The following IPO11 variants were observed in gnomAD, a reference collection of about 807,000 sequenced individuals.
IPO11 encodes importin-11.
IPO11 carries 66 observed loss-of-function variants against 143.2 expected under a neutral mutation model. The ratio of observed to expected loss-of-function variants is 0.46; its 90% CI spans 0.38 to 0.57. The LOEUF is 0.57. IPO11 is among the 20% of genes least tolerant of loss of function. IPO11 has a pLI of 0.00. For synonymous variants in IPO11, 385 were observed against 377.8 expected (o/e 1.02, Z -0.22); for missense variants, 1,026 against 1,141.0 (o/e 0.90, Z 1.45).
intron 7 of IPO11, among the ~76,000 whole-genome samples, chr5:62,473,506 A>G (rs562433571): frequency 6.6e-6 from 1 of 152,172 alleles, no homozygotes; most frequent in Non-Finnish European, 1.5e-5. Flanking sequence ...TCTTCAGATA[A>G]TGGTATCCTA....
chr5:62,434,399 C>T (rs1380208360), intron 1 of IPO11, among the ~76,000 whole-genome samples: 1 of 151,996 alleles, frequency 6.6e-6, no homozygotes, highest in Non-Finnish European at 1.5e-5. Context: ...CCTCCCTGGG[C>T]TCAGGTGATC....
At chr5:62,553,983 G>A (rs191625977) in intron 26 of IPO11, among the ~76,000 whole-genome samples, 137 of 152,086 alleles carry the variant, frequency 9.0e-4, no homozygotes, top group African/African-American at 3.3e-3. Flanking sequence ...TGCCCGCCTC[G>A]GCCTCCCAAA....
chr5:62,536,479 G>T (rs185839529), intron 22 of IPO11, among the ~76,000 whole-genome samples: 130 of 151,824 alleles, frequency 8.6e-4, no homozygotes, highest in African/African-American at 2.9e-3. Context: ...TCACTCTTTT[G>T]CCCACCCTAG....
At chr5:62,496,808 A>G (rs1741174890) in intron 16 of IPO11, among the ~76,000 whole-genome samples, 1 of 152,260 alleles carries the variant, frequency 6.6e-6, no homozygotes, top group South Asian at 2.1e-4. Flanking sequence ...ACACTGAGGA[A>G]AACTTAACAA....
chr5:62,460,545 GACA>G (rs1745318663), intron 5 of IPO11, among the ~76,000 whole-genome samples: 1 of 152,144 alleles, frequency 6.6e-6, no homozygotes, highest in Non-Finnish European at 1.5e-5. Context: ...AAATTATGAA[GACA>G]ACAATTCTGA....
At chr5:62,482,924 C>G (rs1746262925) in intron 9 of IPO11, among the ~76,000 whole-genome samples, 177 bp from the exon 10 acceptor site, 1 of 152,046 alleles carries the variant, frequency 6.6e-6, no homozygotes, top group South Asian at 2.1e-4. Context: ...ACATAATCCT[C>G]ATTATATGAT....
At chr5:62,611,196 A>G (rs1467310484) in intron 29 of IPO11, among the ~76,000 whole-genome samples, 2 of 152,210 alleles carry the variant, frequency 1.3e-5, no homozygotes, top group African/African-American at 4.8e-5. Context: ...CTCAAGTATT[A>G]GAAATACACT....
chr5:62,486,854 G>A (rs946657159), intron 12 of IPO11, among the ~76,000 whole-genome samples: 1 of 152,018 alleles, frequency 6.6e-6, no homozygotes, highest in Non-Finnish European at 1.5e-5. Flanking sequence ...TTAGCTTCCT[G>A]TAAACATCTC....
intron 20 of IPO11, among the ~76,000 whole-genome samples, chr5:62,525,226 G>A (rs1742327722): frequency 6.6e-6 from 1 of 151,894 alleles, no homozygotes; most frequent in South Asian, 2.1e-4. Flanking sequence ...AAACATTTTT[G>A]TGTATATCAT....
intron 9 of IPO11, among the ~76,000 whole-genome samples, chr5:62,480,931 T>G (rs1746178239): frequency 7.7e-6 from 1 of 130,038 alleles, no homozygotes; most frequent in Non-Finnish European, 1.6e-5. Context: ...TTTTTTTTTT[T>G]TGGAGACAGA....
chr5:62,499,304 G>A (rs1254663573), intron 16 of IPO11, among the ~76,000 whole-genome samples: 1 of 152,144 alleles, frequency 6.6e-6, no homozygotes, highest in East Asian at 1.9e-4. Context: ...GTAAGTATTT[G>A]TGTGTCTAAA....
At chr5:62,444,392 G>C (rs1395313786) in intron 3 of IPO11, among the ~76,000 whole-genome samples, 1 of 151,696 alleles carries the variant, frequency 6.6e-6, no homozygotes, top group East Asian at 1.9e-4. Flanking sequence ...GTGCCCGGCC[G>C]GAGTAATTTT....
At chr5:62,592,327 C>T (rs908588356) in intron 28 of IPO11, among the ~76,000 whole-genome samples, 1 of 151,928 alleles carries the variant, frequency 6.6e-6, no homozygotes, top group African/African-American at 2.4e-5. Context: ...CCATCTCTAG[C>T]AAATGGGAAA....
intron 7 of IPO11, among the ~76,000 whole-genome samples, chr5:62,470,778 G>A (rs1317060733): frequency 1.4e-5 from 2 of 138,744 alleles, no homozygotes; most frequent in African/African-American, 2.7e-5. Flanking sequence ...TCGATCATAA[G>A]TTGTGATATA....
chr5:62,517,153 G>A lies in IPO11; in HGVS notation c.1896+1652G>A, dbSNP rs138401054. 8.4e-3 allele frequency among the ~76,000 whole-genome samples: 1,279 copies of A among 151,896 alleles called. 24 individuals carry two copies. Among genetic ancestry groups the A allele is most frequent in the African/African-American group, 0.03 (1,238 of 41,424 alleles). ...GCAGAACTTGCAGTAAGCCGAGATC[G>A]CGCCACTGCACTCTAGCCTGGGCGA... On this transcript the variant is annotated intron_variant, in intron 20 of 29. Transcript: ENST00000325324.
chr5:62,454,586 G>A (rs958405471), intron 5 of IPO11, among the ~76,000 whole-genome samples: 3 of 152,170 alleles, frequency 2.0e-5, no homozygotes, highest in Admixed American at 6.5e-5. Context: ...GATAGCTTGT[G>A]TGAGTTAGCT....
intron 5 of IPO11, among the ~76,000 whole-genome samples, chr5:62,456,212 A>G (rs1226870335): frequency 1.3e-5 from 2 of 152,024 alleles, no homozygotes; most frequent in African/African-American, 4.8e-5. Context: ...GGGTTTTGCC[A>G]TGTTGGCCAG....
chr5:62,427,625 C>G (rs757833821), intron 1 of IPO11, among the ~76,000 whole-genome samples: 41 of 152,172 alleles, frequency 2.7e-4, no homozygotes, highest in Non-Finnish European at 5.3e-4. Context: ...AAGCACAAAC[C>G]CTGTTGTGAA....
chr5:62,549,384 T>G (rs1366511547), intron 24 of IPO11, among the ~76,000 whole-genome samples: 1 of 152,200 alleles, frequency 6.6e-6, no homozygotes, highest in African/African-American at 2.4e-5. Context: ...GTATTCTTGA[T>G]GGTCGTAATT....
Sources: gnomAD v4.1 joint callset for allele counts (sites outside exome capture counted in the v4.1 genomes callset) on GRCh38, gnomAD v4.1.1 for gene constraint, MANE v1.5 for transcripts, NCBI Gene and HGNC (gene_info 2026-07-23, HGNC 2026-07-21) for gene names.